PRSS53: variants seen among roughly 807,000 people sequenced by gnomAD.
The protein encoded by PRSS53 is serine protease 53.
A neutral mutation model predicts 62.7 loss-of-function variants in PRSS53; 54 were observed. The observed-to-expected ratio is 0.86, with a 90% CI of 0.69 to 1.08. The LOEUF is 1.08. Among genes scored for constraint, PRSS53 ranks in the 50% least tolerant of loss-of-function variants. The pLI is 0.00. For synonymous variants in PRSS53, 273 were observed against 300.0 expected, an observed-to-expected ratio of 0.91 and a Z score of 0.93; for missense variants, 688 against 728.3, an observed-to-expected ratio of 0.94 and a Z score of 0.64.
rs1371500945 is a variant in PRSS53 at position 31,084,121 on chromosome 16, A to T, written c.1640T>A (p.Ile547Lys). ...CAGGAGGCCCCGGGGCCACATACTT[A>T]TGTTGGCCAGGCAGCTTCCAGGCTC... Residue 547 changes from isoleucine (I) to lysine (K), a missense_variant and splice_region_variant, in exon 10 of 11, where the codon ATA (isoleucine) becomes AAA (lysine). Physicochemically the swap from Ile to Lys is moderately radical, Grantham distance 102 (BLOSUM62 -3). Coordinates refer to ENST00000280606, the Ensembl canonical transcript of PRSS53. 3 of 1,574,138 alleles carry T rather than the reference A, an allele frequency of 1.9e-6. No individual in the cohort carries two copies. In the Admixed American group the frequency reaches 5.6e-5, roughly 29 times the overall value.
chr16:31,085,194 C>G (rs2143872002), exon 7 of PRSS53: 1 of 1,609,000 alleles, frequency 6.2e-7, no homozygotes. Flanking sequence ...GTGCATCAGC[C>G]TGGCCTCCCA....
chr16:31,087,522 C>A lies in PRSS53; in HGVS notation c.242+15G>T. 1 of 1,607,306 alleles carries A rather than the reference C, an allele frequency of 6.2e-7. No individual in the cohort carries two copies. On this transcript the variant is annotated intron_variant, in intron 3 of 10. Coordinates refer to ENST00000280606, the Ensembl canonical transcript of PRSS53. The stretch of plus-strand genomic sequence containing the variant: ...CCAGAGCCGGAGACCCTGCCTGACC[C>A]CAGCCATGACTTACTTTTCAAAGCA...
exon 11 of PRSS53, chr16:31,083,622 G>A: frequency 6.6e-7 from 1 of 1,507,456 alleles, no homozygotes; most frequent in Non-Finnish European, 8.9e-7. Flanking sequence ...TGTCCTGCAG[G>A]GTGGGGAGTG....
Position 31,085,208 on chromosome 16 carries a change from C to T in PRSS53, c.936G>A (p.Trp312Ter). The T allele has an allele frequency of 1.2e-6, 2 of 1,605,818 alleles. No homozygotes were observed. The highest frequency in any genetic ancestry group is 1.7e-4 in the Middle Eastern group (1 of 6,026). The stretch of plus-strand genomic sequence containing the variant: ...GGTGCATCAGCCTGGCCTCCCAGGG[C>T]CATGGGGAGGGTGCTCCTGCCTGGG... The change falls in exon 7 of 11, where the codon TGG (tryptophan) becomes TGA (stop). Residue 312 changes from tryptophan to a stop codon, truncating the protein, a stop_gained. Coordinates refer to ENST00000280606, the Ensembl canonical transcript of PRSS53. LOFTEE classifies it high-confidence loss of function.
intron 6 of PRSS53, among the ~76,000 whole-genome samples, chr16:31,085,602 T>C (rs2057224080): frequency 6.6e-6 from 1 of 152,150 alleles, no homozygotes; most frequent in South Asian, 2.1e-4. Context: ...TCTCTTATCA[T>C]CAAGACATAA....
intron 1 of PRSS53, chr16:31,088,434 AGAG>A: frequency 8.0e-7 from 1 of 1,249,684 alleles, no homozygotes; most frequent in Non-Finnish European, 1.0e-6. Context: ...AACTGAGGCC[AGAG>A]GAGCCCAGAG....
intron 1 of PRSS53, 106 bp downstream of exon 1, chr16:31,088,646 G>C (rs775197657): frequency 1.5e-5 from 23 of 1,577,418 alleles, no homozygotes; most frequent in Non-Finnish European, 2.0e-5. Flanking sequence ...CTGGTGGACT[G>C]TCGCCCACAG....
chr16:31,087,875 A>C, intron 1 of PRSS53, 49 bp from the exon 2 acceptor site: 1 of 1,610,128 alleles, frequency 6.2e-7, no homozygotes, highest in Non-Finnish European at 8.5e-7. Flanking sequence ...AGGCCTGCCT[A>C]GCTTTGGGGA....
At chr16:31,083,921 G>C (rs1467529618) in intron 10 of PRSS53, 112 bp from the exon 11 acceptor site, 1 of 1,569,306 alleles carries the variant, frequency 6.4e-7, no homozygotes, top group African/African-American at 1.4e-5. Flanking sequence ...TGACAGATGA[G>C]AATACTGAGG....
chr16:31,085,024 C>T (rs1449392435), exon 8 of PRSS53: 1 of 1,600,754 alleles, frequency 6.2e-7, no homozygotes. Flanking sequence ...GGGCCTGGCG[C>T]CTGTGCAGAG....
At chr16:31,084,578 C>A (rs767630178) in exon 9 of PRSS53, 1 of 1,606,278 alleles carries the variant, frequency 6.2e-7, no homozygotes. Flanking sequence ...GGCAGCTCAC[C>A]CACAGCACTG....
At chr16:31,083,594 A>G in exon 11 of PRSS53, 1 of 1,467,754 alleles carries the variant, frequency 6.8e-7, no homozygotes, top group Non-Finnish European at 9.1e-7. Context: ...TGGGTGTGGG[A>G]GTGTCCACAG....
chr16:31,085,998 C>T (rs2057228596), exon 6 of PRSS53: 1 of 1,614,004 alleles, frequency 6.2e-7, no homozygotes, highest in African/African-American at 1.3e-5. Flanking sequence ...TCTCCGGGGT[C>T]TCTGGGCTCT....
chr16:31,086,391 G>A (rs1187480304), exon 5 of PRSS53: 6 of 1,614,122 alleles, frequency 3.7e-6, no homozygotes, highest in Non-Finnish European at 5.1e-6. Context: ...TCCCAGGCCG[G>A]GCCGGGTTGG....
At chr16:31,088,034 T>C in intron 1 of PRSS53, 1 of 1,456,604 alleles carries the variant, frequency 6.9e-7, no homozygotes, top group Non-Finnish European at 9.1e-7. Flanking sequence ...TAATTAATTC[T>C]CCTTCAGCTG....
chr16:31,084,489 C>T (rs1033225973), intron 9 of PRSS53, 69 bp downstream of exon 9: 81 of 1,538,564 alleles, frequency 5.3e-5, no homozygotes, highest in African/African-American at 6.8e-5. Flanking sequence ...CTGGAAGGTC[C>T]GTTCTTGAGC....
At chr16:31,087,988 A>G in intron 1 of PRSS53, 162 bp from the exon 2 acceptor site, 1 of 1,519,598 alleles carries the variant, frequency 6.6e-7, no homozygotes, top group South Asian at 1.2e-5. Flanking sequence ...AGGCCGAGAC[A>G]GCTTTTATTG....
chr16:31,083,596 T>A, exon 11 of PRSS53: 1 of 1,466,406 alleles, frequency 6.8e-7, no homozygotes, highest in Non-Finnish European at 9.1e-7. Context: ...GGTGTGGGAG[T>A]GTCCACAGAC....
chr16:31,087,886 GGA>G, intron 1 of PRSS53, 60 bp from the exon 2 acceptor site: 1 of 1,606,904 alleles, frequency 6.2e-7, no homozygotes, highest in South Asian at 1.1e-5. Flanking sequence ...GCTTTGGGGA[GGA>G]GAGGGGATGG....
Sources: gnomAD v4.1 joint callset for allele counts (sites outside exome capture counted in the v4.1 genomes callset) on GRCh38, gnomAD v4.1.1 for gene constraint, MANE v1.5 for transcripts, NCBI Gene and HGNC (gene_info 2026-07-23, HGNC 2026-07-21) for gene names.